Variants in ERBB4 observed in about 807,000 individuals in gnomAD.
The protein encoded by ERBB4 is erb-b2 receptor tyrosine kinase 4, also known as receptor tyrosine-protein kinase erbB-4.
ERBB4 carries 42 observed loss-of-function variants against 158.0 expected under a neutral mutation model. That is an observed-to-expected ratio of 0.27 (90% confidence interval 0.21 to 0.34). ERBB4 has a LOEUF of 0.34. Among genes scored for constraint, ERBB4 ranks in the 10% least tolerant of loss-of-function variants. The pLI, the probability that ERBB4 is intolerant of heterozygous loss-of-function variation, is 1.00. For missense variants in ERBB4, 1,333 were observed against 1,624.1 expected (o/e 0.82, Z 3.08); for synonymous variants, 583 against 558.7 (o/e 1.04, Z -0.61).
intron 3 of ERBB4, among the ~76,000 whole-genome samples, chr2:211,930,765 T>C (rs138492220): frequency 0.035 from 5,387 of 152,256 alleles, 134 homozygotes; most frequent in Middle Eastern, 0.088. Flanking sequence ...TAAAATAAGT[T>C]ATCAAAATAT....
chr2:212,284,848 C>T (rs191076881), intron 1 of ERBB4, among the ~76,000 whole-genome samples: 33 of 152,156 alleles, frequency 2.2e-4, no homozygotes, highest in African/African-American at 5.3e-4. Context: ...AGAATCTTCT[C>T]GGAAAAGCTC....
At chr2:211,430,300 C>T (rs1465486418) in intron 21 of ERBB4, among the ~76,000 whole-genome samples, 1 of 151,916 alleles carries the variant, frequency 6.6e-6, no homozygotes, top group Non-Finnish European at 1.5e-5. Context: ...GCTAGAGGGA[C>T]CTCCATATGA....
At chr2:212,433,249 T>C (rs1314626882) in intron 1 of ERBB4, among the ~76,000 whole-genome samples, 1 of 152,054 alleles carries the variant, frequency 6.6e-6, no homozygotes, top group East Asian at 1.9e-4. Flanking sequence ...TTACAATGGA[T>C]TTTGTTATTT....
At chr2:212,168,938 T>G (rs978486119) in intron 1 of ERBB4, among the ~76,000 whole-genome samples, 2 of 152,128 alleles carry the variant, frequency 1.3e-5, no homozygotes, top group Admixed American at 1.3e-4. Flanking sequence ...ATTTTAGACC[T>G]CAACTACCAT....
At chr2:211,972,119 G>C (rs1292374186) in intron 2 of ERBB4, among the ~76,000 whole-genome samples, 1 of 152,092 alleles carries the variant, frequency 6.6e-6, no homozygotes, top group Non-Finnish European at 1.5e-5. Flanking sequence ...ACCAACAACA[G>C]TCAAGCTAAG....
intron 16 of ERBB4, among the ~76,000 whole-genome samples, chr2:211,654,669 A>G (rs1351134361): frequency 6.6e-6 from 1 of 152,172 alleles, no homozygotes; most frequent in Non-Finnish European, 1.5e-5. Flanking sequence ...TAATCTTCAC[A>G]CCAATCTTAA....
chr2:212,192,971 G>A (rs1379717777), intron 1 of ERBB4, among the ~76,000 whole-genome samples: 4 of 152,068 alleles, frequency 2.6e-5, no homozygotes, highest in Non-Finnish European at 4.4e-5. Flanking sequence ...TAGTTTTTAC[G>A]AAAGCTCCCT....
At chr2:212,186,277 G>A (rs16847856) in intron 1 of ERBB4, among the ~76,000 whole-genome samples, 1,974 of 152,140 alleles carry the variant, frequency 0.013, 26 homozygotes, top group African/African-American at 0.044. Context: ...AGCAATCTCC[G>A]TTCTTGGCTG....
chr2:211,663,188 T>C (rs1317314687), intron 15 of ERBB4, among the ~76,000 whole-genome samples: 1 of 152,184 alleles, frequency 6.6e-6, no homozygotes, highest in South Asian at 2.1e-4. Flanking sequence ...AGGAATCACA[T>C]CCTTCAGGAA....
At chr2:211,600,026 T>A (rs1484404215) in intron 19 of ERBB4, among the ~76,000 whole-genome samples, 1 of 152,190 alleles carries the variant, frequency 6.6e-6, no homozygotes, top group Non-Finnish European at 1.5e-5. Flanking sequence ...CAATAAGCAA[T>A]CATTGATTGT....
At chr2:212,144,481 C>T (rs2080596986) in intron 1 of ERBB4, among the ~76,000 whole-genome samples, 1 of 152,154 alleles carries the variant, frequency 6.6e-6, no homozygotes, top group Non-Finnish European at 1.5e-5. Flanking sequence ...ATTCCTTTGA[C>T]CTTACCAAGA....
chr2:212,268,390 C>T (rs1020353490), intron 1 of ERBB4, among the ~76,000 whole-genome samples: 3 of 151,846 alleles, frequency 2.0e-5, no homozygotes, highest in Admixed American at 6.6e-5. Context: ...CTCTTTGAAA[C>T]ATTAATTTTC....
At chr2:211,982,264 A>G (rs2081820757) in intron 2 of ERBB4, among the ~76,000 whole-genome samples, 1 of 152,222 alleles carries the variant, frequency 6.6e-6, no homozygotes, top group Non-Finnish European at 1.5e-5. Flanking sequence ...ATTACAACTT[A>G]GTAACAATCA....
rs138016230 is a variant in ERBB4 at position 211,532,242 on chromosome 2, G to A, written c.2487+29661C>T. Among the ~76,000 whole-genome samples the A allele has an allele frequency of 8.1e-3, 1,230 of 151,990 alleles. 13 individuals carry two copies. Among genetic ancestry groups the A allele is most frequent in the African/African-American group, 0.026 (1,082 of 41,520 alleles). On this transcript the variant is annotated intron_variant, in intron 20 of 27. Coordinates refer to ENST00000342788, the MANE Select transcript of ERBB4 (RefSeq NM_005235.3). ...TTGCTAGCACAACAAGATGCCTATC[G>A]TCAATAATAATTTAATTGTACATTT...
At chr2:211,412,029 G>A (rs566891426) in intron 25 of ERBB4, among the ~76,000 whole-genome samples, 3 of 151,994 alleles carry the variant, frequency 2.0e-5, no homozygotes, top group Non-Finnish European at 4.4e-5. Flanking sequence ...AGTGATGAGG[G>A]CCTGAAATAG....
intron 25 of ERBB4, among the ~76,000 whole-genome samples, chr2:211,417,238 C>A (rs2063413658): frequency 1.3e-5 from 2 of 151,990 alleles, no homozygotes; most frequent in African/African-American, 4.8e-5. Flanking sequence ...TTTGGGAGGC[C>A]ACGGTGGGTG....
At position 212,219,852 on chromosome 2, in the gene ERBB4, A is replaced by G. The variant is rs1574460168; in HGVS notation, c.83-94949T>C. Among the ~76,000 whole-genome samples, 2 of 151,286 alleles carry G rather than the reference A, an allele frequency of 1.3e-5. 1 individual carries two copies. Among genetic ancestry groups the G allele is most frequent in the Non-Finnish European group, 3.0e-5 (2 of 67,508 alleles). ...AAACCCTCTGGTTTTGTCAATGAAA[A>G]CAACCTTTTATTATAAAGTGACAGT... On this transcript the variant is annotated intron_variant, in intron 1 of 27. Transcript: ENST00000342788.
intron 1 of ERBB4, among the ~76,000 whole-genome samples, chr2:212,535,873 A>G (rs1450790262): frequency 2.0e-5 from 3 of 152,226 alleles, no homozygotes; most frequent in Non-Finnish European, 2.9e-5. Flanking sequence ...CCCCCGCCCT[A>G]TATTTTTATT....
At chr2:211,505,032 G>A (rs1179227526) in intron 20 of ERBB4, among the ~76,000 whole-genome samples, 1 of 152,054 alleles carries the variant, frequency 6.6e-6, no homozygotes, top group Non-Finnish European at 1.5e-5. Context: ...CATATTAGAA[G>A]GAATAATTCA....
Sources: allele counts gnomAD v4.1 joint callset (sites outside exome capture counted in the v4.1 genomes callset), GRCh38; gene constraint gnomAD v4.1.1; transcripts MANE v1.5; gene names NCBI Gene and HGNC (gene_info 2026-07-23, HGNC 2026-07-21).